Variants in TRDN observed in about 807,000 individuals in gnomAD.
The protein encoded by TRDN is triadin in skeletal muscle.
TRDN carries 161 observed loss-of-function variants against 149.7 expected under a neutral mutation model. The observed-to-expected ratio is 1.08, with a 90% CI of 0.95 to 1.23. The LOEUF (loss-of-function observed/expected upper bound fraction) is 1.23. Among genes scored for constraint, TRDN ranks in the 50% most tolerant of loss-of-function variants. The pLI is 0.00. For missense variants in TRDN, 896 were observed against 823.5 expected (o/e 1.09, Z -1.08); for synonymous variants, 294 against 250.5 (o/e 1.17, Z -1.64).
chr6:123,265,312 A>G lies in TRDN; in HGVS notation c.1804+6T>C. ...CAATTTTAAAATTCTAAAATGGTAC[A>G]CTTACTTGGAGTTGGTTTTGGTTTG... On this transcript the variant is annotated splice_donor_region_variant and intron_variant, in intron 33 of 40. Coordinates refer to ENST00000334268, the MANE Select transcript of TRDN (RefSeq NM_006073.4). The G allele has an allele frequency of 1.4e-6, 2 of 1,416,842 alleles. No individual in the cohort carries two copies. Among genetic ancestry groups the G allele is most frequent in the Non-Finnish European group, 1.9e-6 (2 of 1,060,726 alleles). The allele number at this position is 1,416,842 out of a possible 1,614,324, so 87.8% of individuals were successfully genotyped here. A position where few individuals can be genotyped will look rare whatever the true frequency, so the allele number is the denominator to read the frequency against.
At chr6:123,583,351 C>A (rs1189382276) in intron 1 of TRDN, among the ~76,000 whole-genome samples, 2 of 151,688 alleles carry the variant, frequency 1.3e-5, no homozygotes, top group African/African-American at 4.9e-5. Flanking sequence ...GAGACTGGGG[C>A]CTAATAAAAA....
chr6:123,350,763 A>C, intron 21 of TRDN: 1 of 947,280 alleles, frequency 1.1e-6, no homozygotes, highest in Non-Finnish European at 1.3e-6. Flanking sequence ...TTTAAAATTG[A>C]AATGATTTAC....
In TRDN at chr6:123,265,345, A is replaced by C. The variant is rs756503449; in HGVS notation, c.1784-7T>G. 9 of 1,419,914 alleles carry C rather than the reference A, an allele frequency of 6.3e-6. No individual in the cohort carries two copies. The highest frequency in any genetic ancestry group is 1.5e-5 in the African/African-American group (1 of 68,104). 88.0% of individuals were successfully genotyped at this position (1,419,914 alleles called of 1,614,324 possible). A position where few individuals can be genotyped will look rare whatever the true frequency, so the allele number is the denominator to read the frequency against. ...GGAGTTGGTTTTGGTTTGTCTAAAA[A>C]GGAAAAAAGAAAAAAAAAGAAAATG... is the stretch of plus-strand genomic sequence containing the variant. On this transcript the variant is annotated splice_polypyrimidine_tract_variant and splice_region_variant and intron_variant, in intron 32 of 40. Transcript: ENST00000334268.
intron 10 of TRDN, among the ~76,000 whole-genome samples, chr6:123,440,220 G>A (rs1374626656): frequency 6.6e-6 from 1 of 152,094 alleles, no homozygotes; most frequent in Non-Finnish European, 1.5e-5. Flanking sequence ...GATTTCTAGA[G>A]ATAATCTAAT....
intron 21 of TRDN, among the ~76,000 whole-genome samples, chr6:123,342,139 C>G (rs924430581): frequency 6.6e-6 from 1 of 151,920 alleles, no homozygotes; most frequent in African/African-American, 2.4e-5. Context: ...AATCTGACTA[C>G]TAATCAAAAT....
At chr6:123,364,855 G>C (rs1471435193) in intron 20 of TRDN, among the ~76,000 whole-genome samples, 1 of 152,060 alleles carries the variant, frequency 6.6e-6, no homozygotes, top group African/African-American at 2.4e-5. Flanking sequence ...GATTTTCTCT[G>C]ACACTATATT....
intron 13 of TRDN, among the ~76,000 whole-genome samples, chr6:123,390,419 CT>C (rs1782063933): frequency 6.6e-6 from 1 of 152,120 alleles, no homozygotes; most frequent in Non-Finnish European, 1.5e-5. Context: ...CATGTATCTT[CT>C]TTTTTCCCAT....
chr6:123,286,996 T>A (rs570618332), intron 24 of TRDN, among the ~76,000 whole-genome samples: 44 of 152,194 alleles, frequency 2.9e-4, no homozygotes, highest in African/African-American at 1.0e-3. Context: ...ATGTACAAAT[T>A]ATTGCTCTGA....
At chr6:123,317,509 C>T (rs1779070124) in intron 23 of TRDN, among the ~76,000 whole-genome samples, 2 of 151,940 alleles carry the variant, frequency 1.3e-5, no homozygotes, top group South Asian at 4.1e-4. Flanking sequence ...TTACACACTA[C>T]TTCCGATAAT....
intron 22 of TRDN, among the ~76,000 whole-genome samples, chr6:123,336,920 A>C (rs2114736439): frequency 6.6e-6 from 1 of 152,036 alleles, no homozygotes; most frequent in East Asian, 1.9e-4. Context: ...TTAATTCAGA[A>C]GAGAGGGGAC....
At chr6:123,512,603 C>G (rs1046598634) in intron 6 of TRDN, among the ~76,000 whole-genome samples, 1 of 152,058 alleles carries the variant, frequency 6.6e-6, no homozygotes. Context: ...TACTCTTTCT[C>G]AAGTCATTAT....
rs1367676 is a variant in TRDN, at chr6:123,269,993, T to A, written c.1721-127A>T. Reference sequence around the variant, plus strand: ...CCTCCTTAGCTTAAACTTAACCTGTTTTCTTTGACCACTAATATTTTACTG... The same window carrying A: ...CCTCCTTAGCTTAAACTTAACCTGTATTCTTTGACCACTAATATTTTACTG... On this transcript the variant is annotated intron_variant, in intron 30 of 40. Coordinates refer to ENST00000334268, the MANE Select transcript of TRDN (RefSeq NM_006073.4). 0.22 allele frequency: 164,550 copies of A among 759,814 alleles called. 21,783 individuals carry two copies. The highest frequency in any genetic ancestry group is 0.58 in the East Asian group (18,816 of 32,364). The allele number at this position is 759,814 out of a possible 1,614,324, so 47.1% of individuals were successfully genotyped here. A position where few individuals can be genotyped will look rare whatever the true frequency, so the allele number is the denominator to read the frequency against.
chr6:123,501,730 T>G, intron 8 of TRDN: 3 of 570,170 alleles, frequency 5.3e-6, no homozygotes, highest in Non-Finnish European at 6.7e-6. Context: ...TAAAATCACA[T>G]TTGTGCTTTT....
chr6:123,507,970 C>G (rs533556489), intron 7 of TRDN, among the ~76,000 whole-genome samples: 14 of 138,322 alleles, frequency 1.0e-4, no homozygotes, highest in African/African-American at 3.5e-4. Flanking sequence ...TAACTTTTTT[C>G]TCTGCTTCAG....
At chr6:123,240,781 G>A (rs1370288061) in intron 38 of TRDN, among the ~76,000 whole-genome samples, 1 of 151,886 alleles carries the variant, frequency 6.6e-6, no homozygotes. Context: ...ATGTTGTAAA[G>A]TGATAAAATT....
chr6:123,324,284 A>G (rs1436915770), intron 23 of TRDN, among the ~76,000 whole-genome samples: 2 of 152,110 alleles, frequency 1.3e-5, no homozygotes, highest in Non-Finnish European at 2.9e-5. Context: ...TAAAAATAAT[A>G]GAAGACTTAC....
rs75749404 is a variant in TRDN at position 123,433,193 on chromosome 6, A to G, written c.1051+4870T>C. Among the ~76,000 whole-genome samples the G allele has an allele frequency of 3.5e-3, 500 of 141,652 alleles. 28 individuals are homozygous for G. The East Asian group carries it at 0.1, about 30-fold the overall frequency. The allele number at this position is 141,652 out of a possible 152,430, so 92.9% of individuals were successfully genotyped here. A position where few individuals can be genotyped will look rare whatever the true frequency, so the allele number is the denominator to read the frequency against. ...TATATATATATATATACATCACACAATGATCCAGCAATCAATGGCTGAGTC... is the reference window on the plus strand; with the variant it reads ...TATATATATATATATACATCACACAGTGATCCAGCAATCAATGGCTGAGTC... On this transcript the variant is annotated intron_variant, in intron 12 of 40. Transcript: ENST00000334268.
intron 24 of TRDN, among the ~76,000 whole-genome samples, chr6:123,303,165 T>A (rs1778489980): frequency 6.6e-6 from 1 of 152,148 alleles, no homozygotes; most frequent in Non-Finnish European, 1.5e-5. Flanking sequence ...CCATATCAAT[T>A]GTCCCAGAGC....
chr6:123,600,138 T>C (rs1308436581), intron 1 of TRDN, among the ~76,000 whole-genome samples: 2 of 152,050 alleles, frequency 1.3e-5, no homozygotes, highest in East Asian at 3.9e-4. Flanking sequence ...TTTTATGGAA[T>C]AGATGCTCCA....
Sources: gnomAD v4.1 joint callset for allele counts (sites outside exome capture counted in the v4.1 genomes callset) on GRCh38, gnomAD v4.1.1 for gene constraint, MANE v1.5 for transcripts, NCBI Gene and HGNC (gene_info 2026-07-23, HGNC 2026-07-21) for gene names.